Variants in NF1 observed in about 807,000 individuals in gnomAD.
The protein encoded by NF1 is neurofibromin.
In NF1, 122 loss-of-function variants were observed where a neutral mutation model predicts 325.7. The observed-to-expected ratio is 0.37, with a 90% CI of 0.32 to 0.44. The LOEUF (loss-of-function observed/expected upper bound fraction) is 0.44. NF1 is among the 20% of genes least tolerant of loss of function. NF1 has a pLI of 1.00. For synonymous variants in NF1, 1,091 were observed against 1,186.0 expected (o/e 0.92, Z 1.65); for missense variants, 2,140 against 3,415.4 (o/e 0.63, Z 9.31).
In NF1 at chr17:31,225,182, A is replaced by G. The variant is rs146051850; in HGVS notation, c.1933A>G (p.Met645Val). 618 of 1,613,848 alleles carry G rather than the reference A, an allele frequency of 3.8e-4. 7 individuals are homozygous for G. The East Asian group carries it at 0.013, about 34-fold the overall frequency. ...TAGTGGAAATACCAGTCAAATGTCC[A>G]TGGATCATGAAGAATTACTACGTAC... ...PSSGNTSQMS[M>V]DHEELLRTPG... The change falls in exon 17 of 58, where the codon ATG becomes GTG. Residue 645 changes from methionine (M) to valine (V), a missense_variant. By Grantham distance (21) the Met-to-Val change is conservative (BLOSUM62 1). Coordinates refer to ENST00000358273, the MANE Select transcript of NF1 (RefSeq NM_001042492.3).
intron 57 of NF1, among the ~76,000 whole-genome samples, chr17:31,364,786 G>A (rs1018249508): frequency 1.3e-5 from 2 of 152,110 alleles, no homozygotes; most frequent in African/African-American, 4.8e-5. Flanking sequence ...ACTGTACCTG[G>A]GATTCAGTGC....
Position 31,156,012 on chromosome 17 carries a change from A to G in NF1, c.90A>G (p.Thr30=), listed in dbSNP as rs1336406332. The change falls in exon 2 of 58, where the codon ACA becomes ACG. Residue 30 remains threonine (T), a synonymous_variant. Transcript: ENST00000358273. ...CAATAAAAACAGGACAGCAGAACACACATACCAAAGTCAGTACTGAGCACA... is the reference window on the plus strand; with the variant it reads ...CAATAAAAACAGGACAGCAGAACACGCATACCAAAGTCAGTACTGAGCACA... ...QLPIKTGQQN[T]HTKVSTEHNK... The G allele has an allele frequency of 6.2e-7, 1 of 1,613,472 alleles. No individual in the cohort carries two copies. Among genetic ancestry groups the G allele is most frequent in the Non-Finnish European group, 8.5e-7 (1 of 1,179,788 alleles).
chr17:31,237,705 C>A (rs181993955), intron 29 of NF1, among the ~76,000 whole-genome samples: 3 of 132,054 alleles, frequency 2.3e-5, no homozygotes, highest in African/African-American at 9.1e-5. Context: ...TACATTATTA[C>A]GGATTTTATG....
intron 12 of NF1, among the ~76,000 whole-genome samples, chr17:31,212,212 A>C (rs766744980): frequency 3.9e-5 from 6 of 152,162 alleles, no homozygotes; most frequent in Non-Finnish European, 7.4e-5. Flanking sequence ...CTAGGCCTAC[A>C]TGGGGTCAAG....
intron 1 of NF1, among the ~76,000 whole-genome samples, chr17:31,097,647 T>C (rs775162689): frequency 6.6e-6 from 1 of 152,192 alleles, no homozygotes; most frequent in Non-Finnish European, 1.5e-5. Flanking sequence ...ACAGCATTTT[T>C]CTGCATTCCT....
intron 47 of NF1, 106 bp from the exon 48 acceptor site, chr17:31,342,903 G>C (rs1028872086): frequency 8.3e-5 from 115 of 1,387,458 alleles, no homozygotes; most frequent in East Asian, 1.1e-4. Flanking sequence ...CTCTCAAATT[G>C]AAAGGATTAC....
chr17:31,332,193 C>T (rs933304348), intron 39 of NF1, among the ~76,000 whole-genome samples: 21 of 151,134 alleles, frequency 1.4e-4, no homozygotes, highest in African/African-American at 2.7e-4. Context: ...CGGCCAGACG[C>T]GGTGGCTCAC....
chr17:31,236,055 T>TTTG, intron 29 of NF1, 34 bp downstream of exon 29: 2 of 1,152,952 alleles, frequency 1.7e-6, no homozygotes, highest in Non-Finnish European at 2.3e-6. Flanking sequence ...CCGCTGTTTT[T>TTTG]TGTTTTTTTT....
At position 31,261,736 on chromosome 17, in the gene NF1, C is replaced by T. The variant is rs2151466247; in HGVS notation, c.4603C>T (p.Pro1535Ser). ...GGATCATAAAGCTGTTGGAAGACGA[C>T]CTTTTGATAAGATGGCAACACTTCT... ...NRDHKAVGRR[P>S]FDKMATLLAY... The change falls in exon 35 of 58, where the codon CCT becomes TCT. Residue 1535 changes from proline (P) to serine (S), a missense_variant. Pro to Ser is a moderately conservative substitution (Grantham distance 74). Coordinates refer to ENST00000358273, the MANE Select transcript of NF1 (RefSeq NM_001042492.3). The T allele has an allele frequency of 6.2e-7, 1 of 1,612,106 alleles. No individual in the cohort carries two copies. The highest frequency in any genetic ancestry group is 8.5e-7 in the Non-Finnish European group (1 of 1,179,952).
chr17:31,332,191 C>T (rs923250775), intron 39 of NF1, among the ~76,000 whole-genome samples: 4 of 151,122 alleles, frequency 2.6e-5, no homozygotes, highest in Non-Finnish European at 5.9e-5. Flanking sequence ...ATCGGCCAGA[C>T]GCGGTGGCTC....
chr17:31,208,833 G>A (rs1192580637), intron 12 of NF1, among the ~76,000 whole-genome samples: 1 of 152,116 alleles, frequency 6.6e-6, no homozygotes, highest in Non-Finnish European at 1.5e-5. Flanking sequence ...AGAGGTTGCA[G>A]TGAACTGAGA....
At chr17:31,224,326 G>A (rs1231265297) in intron 16 of NF1, among the ~76,000 whole-genome samples, 2 of 152,156 alleles carry the variant, frequency 1.3e-5, no homozygotes, top group Non-Finnish European at 2.9e-5. Context: ...AGTTTTCGGA[G>A]TACTTGATTT....
chr17:31,304,203 A>G, intron 36 of NF1: 5 of 1,474,012 alleles, frequency 3.4e-6, no homozygotes, highest in Non-Finnish European at 4.6e-6. Flanking sequence ...ATATGTTAAC[A>G]TATAAAGAAA....
chr17:31,357,046 GTACT>G lies in NF1; in HGVS notation c.7830_7833del (p.Thr2611IlefsTer12). 1 of 1,613,924 alleles carries G rather than the reference GTACT, an allele frequency of 6.2e-7. No homozygotes were observed. Among genetic ancestry groups the G allele is most frequent in the Non-Finnish European group, 8.5e-7 (1 of 1,179,948 alleles). ...ATCAAATGTTCTCTTGGATGAAGAA[GTACT>G]TACTGATCCGAAGATCCAGGCGCTG... is the stretch of plus-strand genomic sequence containing the variant. On this transcript the variant is annotated frameshift_variant, in exon 53 of 58. Transcript: ENST00000358273. LOFTEE classifies it high-confidence loss of function.
intron 23 of NF1, 42 bp downstream of exon 23, chr17:31,230,424 A>G (rs200546392): frequency 6.2e-6 from 10 of 1,610,380 alleles, no homozygotes; most frequent in Middle Eastern, 1.7e-4. Flanking sequence ...GTAAATCTTA[A>G]TATGTCCAAT....
Position 31,226,427 on chromosome 17 carries a change from A to T in NF1, c.2002-8A>T, listed in dbSNP as rs1318674321. 2.5e-6 allele frequency: 4 copies of T among 1,612,076 alleles called. No homozygotes were observed. Among genetic ancestry groups the T allele is most frequent in the Non-Finnish European group, 3.4e-6 (4 of 1,179,548 alleles). Reference sequence around the variant, plus strand: ...TGCAAATATATGTCTTCCACCCTTGACTCTCAGGATAGTGCAGCAGGATGC... The same window carrying T: ...TGCAAATATATGTCTTCCACCCTTGTCTCTCAGGATAGTGCAGCAGGATGC... On this transcript the variant is annotated splice_polypyrimidine_tract_variant and splice_region_variant and intron_variant, in intron 17 of 57. Coordinates refer to ENST00000358273, the MANE Select transcript of NF1 (RefSeq NM_001042492.3).
At chr17:31,309,780 A>G (rs534606426) in intron 36 of NF1, among the ~76,000 whole-genome samples, 20 of 152,244 alleles carry the variant, frequency 1.3e-4, no homozygotes, top group Non-Finnish European at 2.2e-4. Flanking sequence ...ATAGGCTCCT[A>G]TCCTCTACTG....
At chr17:31,250,892 A>C (rs2067482489) in intron 30 of NF1, 1 of 188,974 alleles carries the variant, frequency 5.3e-6, no homozygotes, top group South Asian at 1.9e-4. Flanking sequence ...ATTATGTTAA[A>C]ATTTCACATA....
chr17:31,313,722 ATGTGTGTGTGTGTG>A (rs60267436), intron 36 of NF1, among the ~76,000 whole-genome samples: 10 of 139,054 alleles, frequency 7.2e-5, no homozygotes, highest in South Asian at 2.2e-4. Flanking sequence ...AAAAAAAAAT[ATGTGTGTGTGTGTG>A]TGTGTGTGTG....
Sources: allele counts gnomAD v4.1 joint callset (sites outside exome capture counted in the v4.1 genomes callset), GRCh38; gene constraint gnomAD v4.1.1; transcripts MANE v1.5; gene names NCBI Gene and HGNC (gene_info 2026-07-23, HGNC 2026-07-21).